The following ABI2 variants were observed in gnomAD, a reference collection of about 807,000 sequenced individuals.
ABI2 encodes the protein abl interactor 2.
In ABI2, 25 loss-of-function variants were observed where a neutral mutation model predicts 59.2. The ratio of observed to expected loss-of-function variants is 0.42; its 90% confidence interval spans 0.31 to 0.59. The LOEUF is 0.59. Ranked by LOEUF, ABI2 falls within the 20% of genes least tolerant of loss-of-function variation. ABI2 has a pLI of 0.14. For synonymous variants in ABI2, 213 were observed against 235.5 expected, an observed-to-expected ratio of 0.90 and a Z score of 0.87; for missense variants, 545 against 681.8, an observed-to-expected ratio of 0.80 and a Z score of 2.23.
At chr2:203,389,262 GTT>G (rs1485609242) in intron 4 of ABI2, among the ~76,000 whole-genome samples, 1 of 152,060 alleles carries the variant, frequency 6.6e-6, no homozygotes. Context: ...GATAATGTTT[GTT>G]TTTATTGTTT....
In ABI2 at chr2:203,430,119, CTT is replaced by C. The variant is rs1376170939; in HGVS notation, c.*2770_*2771del. ...GGGTCAGGCACACAGTAATTGGAGA[CTT>C]TTAATGTATGTAATATTTCATAGAT... is the stretch of plus-strand genomic sequence containing the variant. On this transcript the variant is annotated 3_prime_UTR_variant, in exon 12 of 12. Transcript: ENST00000261018. 6.6e-6 allele frequency: 1 copy of C among 152,120 alleles called. No homozygotes were observed. The highest frequency in any genetic ancestry group is 1.5e-5 in the Non-Finnish European group (1 of 68,020). The allele number at this position is 152,120 out of a possible 1,614,324, so 9.4% of individuals were successfully genotyped here. A position where few individuals can be genotyped will look rare whatever the true frequency, so the allele number is the denominator to read the frequency against.
chr2:203,361,184 T>G (rs2093444152), intron 1 of ABI2, among the ~76,000 whole-genome samples: 1 of 152,206 alleles, frequency 6.6e-6, no homozygotes, highest in Non-Finnish European at 1.5e-5. Flanking sequence ...CTGTCTTGAG[T>G]CAGTGCCTTA....
intron 1 of ABI2, chr2:203,355,176 A>C (rs764142918): frequency 6.5e-5 from 27 of 414,564 alleles, no homozygotes; most frequent in South Asian, 4.5e-4. Flanking sequence ...GACAGTGCAT[A>C]TCCTCTGGTG....
chr2:203,346,766 C>T (rs2083866057), intron 1 of ABI2, among the ~76,000 whole-genome samples: 1 of 152,124 alleles, frequency 6.6e-6, no homozygotes, highest in Admixed American at 6.5e-5. Flanking sequence ...GGAGAAAGAG[C>T]AGGGACAAAA....
At chr2:203,363,528 T>C (rs1465334948) in intron 1 of ABI2, among the ~76,000 whole-genome samples, 1 of 149,042 alleles carries the variant, frequency 6.7e-6, no homozygotes, top group East Asian at 2.1e-4. Flanking sequence ...ACCTCCCCAC[T>C]TTCCCCCTAC....
intron 9 of ABI2, among the ~76,000 whole-genome samples, chr2:203,407,001 C>A (rs2097454060): frequency 6.6e-6 from 1 of 152,146 alleles, no homozygotes; most frequent in Non-Finnish European, 1.5e-5. Context: ...ATACCACATC[C>A]TTTTCTTTTT....
In ABI2 at chr2:203,427,174, T is replaced by C; in HGVS notation, c.1454-3T>C. On this transcript the variant is annotated splice_polypyrimidine_tract_variant and splice_region_variant and intron_variant, in intron 11 of 11. Coordinates refer to ENST00000261018, the MANE Select transcript of ABI2 (RefSeq NM_001375670.1). ...CATCCTGTTTTGTTTTCTTCCCTCCTAGTTGTGGCAATTTATGACTATACA... is the reference window on the plus strand; with the variant it reads ...CATCCTGTTTTGTTTTCTTCCCTCCCAGTTGTGGCAATTTATGACTATACA... 6.2e-7 allele frequency: 1 copy of C among 1,613,224 alleles called. No individual in the cohort carries two copies. Among genetic ancestry groups the C allele is most frequent in the Non-Finnish European group, 8.5e-7 (1 of 1,179,464 alleles).
intron 6 of ABI2, 111 bp from the exon 7 acceptor site, chr2:203,395,545 C>T (rs1262060301): frequency 4.1e-6 from 5 of 1,226,872 alleles, no homozygotes; most frequent in Non-Finnish European, 5.5e-6. Flanking sequence ...AAGTGGTACG[C>T]TTTTGAATTA....
chr2:203,413,618 G>A (rs926687490), intron 10 of ABI2, among the ~76,000 whole-genome samples: 1 of 152,018 alleles, frequency 6.6e-6, no homozygotes, highest in Non-Finnish European at 1.5e-5. Flanking sequence ...TTGTGTATGA[G>A]GTGTGCTGTG....
At chr2:203,338,407 G>A (rs558703649) in intron 1 of ABI2, among the ~76,000 whole-genome samples, 124 of 151,908 alleles carry the variant, frequency 8.2e-4, no homozygotes, top group Non-Finnish European at 1.6e-3. Context: ...GATTATGGGG[G>A]CAGATCCCTC....
intron 4 of ABI2, among the ~76,000 whole-genome samples, chr2:203,383,016 C>A (rs1220466499): frequency 6.6e-6 from 1 of 151,992 alleles, no homozygotes; most frequent in Non-Finnish European, 1.5e-5. Context: ...AAGAAGCCTG[C>A]CTAAAATACA....
At chr2:203,334,668 A>ATT (rs11390894) in intron 1 of ABI2, among the ~76,000 whole-genome samples, 5,913 of 146,804 alleles carry the variant, frequency 0.04, 159 homozygotes, top group Non-Finnish European at 0.057. Context: ...CTAGTTGTAG[A>ATT]TTTTTTTTTT....
At chr2:203,355,668 A>T (rs1275774963) in intron 1 of ABI2, among the ~76,000 whole-genome samples, 1 of 151,744 alleles carries the variant, frequency 6.6e-6, no homozygotes, top group Admixed American at 6.6e-5. Flanking sequence ...CGTCTTTACT[A>T]AAAAAATACA....
intron 1 of ABI2, among the ~76,000 whole-genome samples, chr2:203,336,122 T>G (rs2076329731): frequency 6.6e-6 from 1 of 152,338 alleles, no homozygotes; most frequent in Admixed American, 6.5e-5. Flanking sequence ...TTATTGTGTT[T>G]TGTCAGTACT....
rs1015201608 is a variant in ABI2 at position 203,430,283 on chromosome 2, ATAT to A, written c.*2935_*2937del. 3.9e-5 allele frequency: 6 copies of A among 152,158 alleles called. No homozygotes were observed. Among genetic ancestry groups the A allele is most frequent in the African/African-American group, 1.4e-4 (6 of 41,428 alleles). The allele number at this position is 152,158 out of a possible 1,614,324, so 9.4% of individuals were successfully genotyped here. The stretch of plus-strand genomic sequence containing the variant: ...AAATCTTACATGCTGTGTACTATTA[ATAT>A]TATAACAGACGATCCAAGTCCAAAA... On this transcript the variant is annotated 3_prime_UTR_variant, in exon 12 of 12. Coordinates refer to ENST00000261018, the MANE Select transcript of ABI2 (RefSeq NM_001375670.1).
chr2:203,397,407 CTTA>C (rs1208241790), intron 8 of ABI2, among the ~76,000 whole-genome samples: 1 of 152,062 alleles, frequency 6.6e-6, no homozygotes. Flanking sequence ...GAATCTGTTG[CTTA>C]TTATAGCAGC....
Position 203,345,348 on chromosome 2 carries a change from C to T in ABI2, c.117+16717C>T, listed in dbSNP as rs961395630. On this transcript the variant is annotated intron_variant, in intron 1 of 11. Coordinates refer to ENST00000261018, the MANE Select transcript of ABI2 (RefSeq NM_001375670.1). The stretch of plus-strand genomic sequence containing the variant: ...GGAAGAAACTCCGGACAGATCTGAA[C>T]ATCTGAAGGAACAAACTCCGGACAC... 2.6e-5 allele frequency among the ~76,000 whole-genome samples: 4 copies of T among 152,170 alleles called. No individual in the cohort carries two copies. In the East Asian group the frequency reaches 7.7e-4, roughly 29 times the overall value.
Position 203,376,479 on chromosome 2 carries a change from T to G in ABI2, c.286-3729T>G, listed in dbSNP as rs557581357. Among the ~76,000 whole-genome samples, 7 of 152,346 alleles carry G rather than the reference T, an allele frequency of 4.6e-5. No individual in the cohort carries two copies. In the South Asian group the frequency reaches 1.5e-3, roughly 32 times the overall value. ...ATTATTTTGACTTTCTGTATACTTA[T>G]GCTGTTTAAAAAACATGCCTTCAGT... On this transcript the variant is annotated intron_variant, in intron 2 of 11. Transcript: ENST00000261018.
intron 1 of ABI2, among the ~76,000 whole-genome samples, chr2:203,356,608 G>A (rs775315122): frequency 1.3e-5 from 2 of 152,064 alleles, no homozygotes; most frequent in Admixed American, 6.6e-5. Context: ...GAGCTCAGGC[G>A]ATCCACCCAC....
Sources: gnomAD v4.1 joint callset for allele counts (sites outside exome capture counted in the v4.1 genomes callset) on GRCh38, gnomAD v4.1.1 for gene constraint, MANE v1.5 for transcripts, NCBI Gene and HGNC (gene_info 2026-07-23, HGNC 2026-07-21) for gene names.